SNRPG: variants seen among roughly 807,000 people sequenced by gnomAD.
The protein encoded by SNRPG is small nuclear ribonucleoprotein G.
Under a neutral mutation model 13.9 loss-of-function variants are expected in SNRPG, and 3 were observed. The observed-to-expected ratio is 0.22, with a 90% CI of 0.10 to 0.56. The LOEUF is 0.56. SNRPG is among the 20% of genes least tolerant of loss of function. SNRPG has a pLI of 0.93. For synonymous variants in SNRPG, 29 were observed against 29.3 expected (o/e 0.99, Z 0.03); for missense variants, 34 against 96.1 (o/e 0.35, Z 2.70).
intron 3 of SNRPG, chr2:70,287,308 G>A (rs1696967021): frequency 1.4e-6 from 1 of 702,598 alleles, no homozygotes; most frequent in Admixed American, 2.0e-5. Context: ...CTAAAAGTAA[G>A]TTGTCCTTTT....
intron 3 of SNRPG, among the ~76,000 whole-genome samples, chr2:70,283,122 A>AAAAAAAAC (rs1241967786): frequency 0.029 from 2,361 of 82,634 alleles, 481 homozygotes; most frequent in Non-Finnish European, 0.043. Context: ...AAAAAAAAAA[A>AAAAAAAAC]AACAACAAAC....
intron 3 of SNRPG, among the ~76,000 whole-genome samples, chr2:70,285,442 T>C (rs1395645470): frequency 6.6e-6 from 1 of 152,084 alleles, no homozygotes; most frequent in African/African-American, 2.4e-5. Context: ...CGTGGTGGTG[T>C]GCGCCTGTAG....
At chr2:70,283,698 GA>G (rs1282973070) in intron 3 of SNRPG, among the ~76,000 whole-genome samples, 2 of 152,178 alleles carry the variant, frequency 1.3e-5, no homozygotes, top group Non-Finnish European at 2.9e-5. Context: ...CAATTGGTAG[GA>G]TAAGTGTCTT....
chr2:70,287,472 G>A (rs978227586), intron 3 of SNRPG: 3 of 621,962 alleles, frequency 4.8e-6, no homozygotes, highest in South Asian at 3.8e-5. Flanking sequence ...TTAATCCTAT[G>A]AGGGCTCAGT....
chr2:70,283,080 C>T lies in SNRPG; in HGVS notation c.181-1396G>A, dbSNP rs1205798938. 1.3e-4 allele frequency among the ~76,000 whole-genome samples: 12 copies of T among 94,444 alleles called. 1 individual carries two copies. Among genetic ancestry groups the T allele is most frequent in the African/African-American group, 4.4e-4 (9 of 20,646 alleles). The allele number at this position is 94,444 out of a possible 152,430, so 62.0% of individuals were successfully genotyped here. ...ACTGCACTCCAGCCTGGGCAACGAG[C>T]GAAACTGTCTTTTGTCAAAAAAAAA... On this transcript the variant is annotated intron_variant, in intron 3 of 3. Coordinates refer to ENST00000272348, the MANE Select transcript of SNRPG (RefSeq NM_003096.4).
chr2:70,293,313 G>A, intron 1 of SNRPG: 1 of 666,028 alleles, frequency 1.5e-6, no homozygotes, highest in East Asian at 2.7e-5. Flanking sequence ...TCAACAAAAG[G>A]TAGCACTGGA....
At chr2:70,282,310 A>C (rs1178940869) in intron 3 of SNRPG, among the ~76,000 whole-genome samples, 1 of 152,186 alleles carries the variant, frequency 6.6e-6, no homozygotes, top group Non-Finnish European at 1.5e-5. Flanking sequence ...TGTACAGTAG[A>C]GTATGTTAGG....
intron 1 of SNRPG, among the ~76,000 whole-genome samples, chr2:70,290,502 TAAAATTTCATTCAATTTTA>T (rs1375521527): frequency 1.3e-5 from 2 of 151,634 alleles, no homozygotes; most frequent in Non-Finnish European, 2.9e-5. Flanking sequence ...CCAGAAAACA[TAAAATTTCATTCAATTTTA>T]AAAATTTCAT....
intron 1 of SNRPG, among the ~76,000 whole-genome samples, chr2:70,292,030 C>T (rs1327556463): frequency 1.3e-5 from 2 of 150,338 alleles, no homozygotes; most frequent in Non-Finnish European, 3.0e-5. Context: ...TCACTGCAAG[C>T]TCCGCCTCCC....
At position 70,293,685 on chromosome 2, in the gene SNRPG, C is replaced by G. The variant is rs745331803; in HGVS notation, c.-36G>C. ...CCGCGGGCTCACAGATGCCTTGGAACGCAACGCACGGCTTTCCTCACGCTC... is the reference window on the plus strand; with the variant it reads ...CCGCGGGCTCACAGATGCCTTGGAAGGCAACGCACGGCTTTCCTCACGCTC... On this transcript the variant is annotated 5_prime_UTR_variant, in exon 1 of 4. Coordinates refer to ENST00000272348, the MANE Select transcript of SNRPG (RefSeq NM_003096.4). 1 of 1,606,444 alleles carries G rather than the reference C, an allele frequency of 6.2e-7. No individual in the cohort carries two copies. The highest frequency in any genetic ancestry group is 2.2e-5 in the East Asian group (1 of 44,850).
At position 70,293,666 on chromosome 2, in the gene SNRPG, G is replaced by C; in HGVS notation, c.-17C>G. 1.6e-5 allele frequency: 26 copies of C among 1,613,544 alleles called. No homozygotes were observed. The highest frequency in any genetic ancestry group is 2.2e-5 in the Non-Finnish European group (26 of 1,179,438). On this transcript the variant is annotated 5_prime_UTR_variant, in exon 1 of 4. Transcript: ENST00000272348. Reference sequence around the variant, plus strand: ...TTTGCTCATGGTGTATACTCCGCGGGCTCACAGATGCCTTGGAACGCAACG... The same window carrying C: ...TTTGCTCATGGTGTATACTCCGCGGCCTCACAGATGCCTTGGAACGCAACG...
At chr2:70,285,625 C>T (rs1353284655) in intron 3 of SNRPG, among the ~76,000 whole-genome samples, 1 of 152,148 alleles carries the variant, frequency 6.6e-6, no homozygotes, top group East Asian at 1.9e-4. Flanking sequence ...GGGTTCACTA[C>T]TATCTGTGGT....
At chr2:70,288,849 A>G (rs554170912) in intron 2 of SNRPG, among the ~76,000 whole-genome samples, 31 of 117,710 alleles carry the variant, frequency 2.6e-4, no homozygotes, top group South Asian at 8.8e-4. Flanking sequence ...TAAAGTCTGA[A>G]GTGCTGTTAA....
At chr2:70,282,305 AGTAGAG>A (rs1430414503) in intron 3 of SNRPG, among the ~76,000 whole-genome samples, 1 of 152,198 alleles carries the variant, frequency 6.6e-6, no homozygotes, top group Non-Finnish European at 1.5e-5. Flanking sequence ...AAATATGTAC[AGTAGAG>A]TATGTTAGGT....
chr2:70,291,313 G>GA (rs1697091244), intron 1 of SNRPG: 1 of 152,196 alleles, frequency 6.6e-6, no homozygotes, highest in South Asian at 2.1e-4. Flanking sequence ...TTTGGTGCTT[G>GA]AATGCTGGGT....
At chr2:70,284,542 C>G (rs1301362044) in intron 3 of SNRPG, among the ~76,000 whole-genome samples, 1 of 152,078 alleles carries the variant, frequency 6.6e-6, no homozygotes, top group African/African-American at 2.4e-5. Context: ...AGCCACCAAG[C>G]TGGGCTAATT....
At chr2:70,287,024 TGGG>T (rs934498256) in intron 3 of SNRPG, among the ~76,000 whole-genome samples, 28 of 152,254 alleles carry the variant, frequency 1.8e-4, no homozygotes, top group African/African-American at 6.3e-4. Context: ...ACATGAAACT[TGGG>T]GGTACAGTGT....
Position 70,293,705 on chromosome 2 carries a change from A to C in SNRPG, c.-56T>G, listed in dbSNP as rs374092476. On this transcript the variant is annotated 5_prime_UTR_variant, in exon 1 of 4. Coordinates refer to ENST00000272348, the MANE Select transcript of SNRPG (RefSeq NM_003096.4). ...TGGAACGCAACGCACGGCTTTCCTC[A>C]CGCTCCCGCTGTAGGCCCGGCGTCT... is the stretch of plus-strand genomic sequence containing the variant. 1.6e-5 allele frequency: 25 copies of C among 1,557,266 alleles called. No homozygotes were observed. Among genetic ancestry groups the C allele is most frequent in the Admixed American group, 3.3e-5 (2 of 59,944 alleles).
rs772806779 is a variant in SNRPG, at chr2:70,289,331, A to C, written c.55+19T>G. 4.6e-5 allele frequency: 65 copies of C among 1,400,366 alleles called. 1 individual carries two copies. The Admixed American group carries it at 1.1e-3, about 23-fold the overall frequency. The allele number at this position is 1,400,366 out of a possible 1,614,324, so 86.7% of individuals were successfully genotyped here. On this transcript the variant is annotated intron_variant, in intron 2 of 3. Coordinates refer to ENST00000272348, the MANE Select transcript of SNRPG (RefSeq NM_003096.4). ...CAATTAAATAATTAAAAAAAACCCC[A>C]AAACAACAACAAACTTACATGATAA...
Sources: gnomAD v4.1 joint callset for allele counts (sites outside exome capture counted in the v4.1 genomes callset) on GRCh38, gnomAD v4.1.1 for gene constraint, MANE v1.5 for transcripts, NCBI Gene and HGNC (gene_info 2026-07-23, HGNC 2026-07-21) for gene names.